The following HBP1 variants were observed in gnomAD, a reference collection of about 807,000 sequenced individuals.
HBP1 encodes HMG box-containing protein 1.
Under a neutral mutation model 62.6 loss-of-function variants are expected in HBP1, and 20 were observed. The ratio of observed to expected loss-of-function variants is 0.32; its 90% CI spans 0.22 to 0.46. HBP1 has a LOEUF of 0.46. Among genes scored for constraint, HBP1 ranks in the 20% least tolerant of loss-of-function variants. The pLI, the probability that HBP1 is intolerant of heterozygous loss-of-function variation, is 1.00. For missense variants in HBP1, 480 were observed against 611.8 expected (o/e 0.78, Z 2.27); for synonymous variants, 232 against 206.2 (o/e 1.12, Z -1.07).
intron 1 of HBP1, among the ~76,000 whole-genome samples, chr7:107,177,027 T>C (rs1009983356): frequency 2.0e-5 from 3 of 152,190 alleles, no homozygotes; most frequent in African/African-American, 7.2e-5. Flanking sequence ...AGCTATCTGG[T>C]TTCCACCTGT....
At chr7:107,186,330 A>G in intron 4 of HBP1, 31 bp from the exon 5 acceptor site, 1 of 1,299,434 alleles carries the variant, frequency 7.7e-7, no homozygotes, top group Non-Finnish European at 1.1e-6. Flanking sequence ...TTAAAAACAA[A>G]TAAAAAAGTT....
intron 9 of HBP1, among the ~76,000 whole-genome samples, chr7:107,199,043 T>C (rs1798068642): frequency 6.6e-6 from 1 of 152,246 alleles, no homozygotes; most frequent in South Asian, 2.1e-4. Flanking sequence ...TAAAAGTTTT[T>C]TTTTTAATGG....
At chr7:107,190,343 T>C (rs748663730) in intron 8 of HBP1, 26 bp downstream of exon 8, 2 of 1,541,976 alleles carry the variant, frequency 1.3e-6, no homozygotes, top group South Asian at 2.3e-5. Flanking sequence ...TTCTTTGTTT[T>C]ATTTTCCTCT....
chr7:107,176,305 T>C (rs1796849150), intron 1 of HBP1, among the ~76,000 whole-genome samples: 1 of 152,198 alleles, frequency 6.6e-6, no homozygotes, highest in Non-Finnish European at 1.5e-5. Context: ...ATTACAGGCG[T>C]GAACCACTGA....
At chr7:107,199,870 T>C (rs1189326433) in intron 9 of HBP1, among the ~76,000 whole-genome samples, 2 of 152,228 alleles carry the variant, frequency 1.3e-5, no homozygotes, top group African/African-American at 4.8e-5. Context: ...ACTTCCACTA[T>C]GATTGAATGA....
intron 3 of HBP1, among the ~76,000 whole-genome samples, chr7:107,184,212 C>G (rs1797244648): frequency 6.6e-6 from 1 of 152,160 alleles, no homozygotes; most frequent in Admixed American, 6.5e-5. Flanking sequence ...TTTGGCCATT[C>G]TCTGATACTT....
At chr7:107,198,162 T>A (rs1364273240) in intron 9 of HBP1, among the ~76,000 whole-genome samples, 1 of 152,172 alleles carries the variant, frequency 6.6e-6, no homozygotes, top group Non-Finnish European at 1.5e-5. Context: ...TGTTTTCTGA[T>A]CTTTTTATAG....
At chr7:107,176,700 ATT>A (rs10713097) in intron 1 of HBP1, among the ~76,000 whole-genome samples, 2,192 of 129,882 alleles carry the variant, frequency 0.017, 49 homozygotes, top group African/African-American at 0.057. Context: ...AATTTGCTCC[ATT>A]TTTTTTTTTT....
At chr7:107,178,241 T>A (rs952402293) in intron 1 of HBP1, among the ~76,000 whole-genome samples, 1 of 152,192 alleles carries the variant, frequency 6.6e-6, no homozygotes, top group African/African-American at 2.4e-5. Context: ...ACGCATAGGC[T>A]GAAGTTGTCG....
intron 1 of HBP1, among the ~76,000 whole-genome samples, chr7:107,173,170 G>A (rs972955687): frequency 3.3e-5 from 5 of 152,158 alleles, no homozygotes; most frequent in South Asian, 2.1e-4. Context: ...ACTTTGTTAT[G>A]GAGGCTTGTT....
chr7:107,191,210 T>C (rs1797631169), intron 8 of HBP1, among the ~76,000 whole-genome samples: 1 of 152,216 alleles, frequency 6.6e-6, no homozygotes, highest in Non-Finnish European at 1.5e-5. Flanking sequence ...AGTGAAACTA[T>C]TATTAAAAAA....
At position 107,196,063 on chromosome 7, in the gene HBP1, A is replaced by G. The variant is rs1308365240; in HGVS notation, c.1297A>G (p.Lys433Glu). The change falls in exon 9 of 11, where the codon AAG (lysine) becomes GAG (glutamate). Residue 433 changes from lysine (K) to glutamate (E), a missense_variant. Physicochemically the swap from Lys to Glu is moderately conservative, Grantham distance 56. This residue lies in a region of HBP1 where 66 missense variants were observed against 56.4 expected (regional missense o/e 1.17). Coordinates refer to ENST00000222574, the MANE Select transcript of HBP1 (RefSeq NM_012257.4). ...SGTVSATSPN[K>E]CKRPMNAFML... ...GACTGTGAGTGCCACTTCTCCTAAT[A>G]AGTGCAAAAGACCAATGAATGCCTT... The G allele has an allele frequency of 6.2e-7, 1 of 1,613,306 alleles. No individual in the cohort carries two copies. Among genetic ancestry groups the G allele is most frequent in the Non-Finnish European group, 8.5e-7 (1 of 1,179,232 alleles).
intron 1 of HBP1, chr7:107,174,559 C>T: frequency 1.0e-6 from 1 of 985,264 alleles, no homozygotes; most frequent in Non-Finnish European, 1.2e-6. Flanking sequence ...GCAGGACCTG[C>T]TGTAGGGAAG....
intron 3 of HBP1, 128 bp downstream of exon 3, chr7:107,182,729 C>T: frequency 5.2e-6 from 3 of 574,368 alleles, no homozygotes; most frequent in Non-Finnish European, 9.2e-6. Flanking sequence ...GAATTAAGCT[C>T]CTTATCTAAT....
intron 3 of HBP1, among the ~76,000 whole-genome samples, chr7:107,184,544 T>C (rs1797261432): frequency 6.6e-6 from 1 of 152,198 alleles, no homozygotes; most frequent in Non-Finnish European, 1.5e-5. Context: ...GGAGTCTTGC[T>C]CTGTCGCCCA....
At chr7:107,201,184 G>T in intron 10 of HBP1, 1 of 383,892 alleles carries the variant, frequency 2.6e-6, no homozygotes. Flanking sequence ...TCATGTGTTC[G>T]GACTTTTCCT....
chr7:107,198,468 C>G (rs929685627), intron 9 of HBP1, among the ~76,000 whole-genome samples: 2 of 152,122 alleles, frequency 1.3e-5, no homozygotes, highest in Non-Finnish European at 2.9e-5. Flanking sequence ...CCTCTGCCTC[C>G]CAAAGTGCTG....
Position 107,195,945 on chromosome 7 carries a change from A to G in HBP1, c.1179A>G (p.Arg393=), listed in dbSNP as rs1391575272. ...CGGPGGQDFA[R]SGFSKNCGSP... ...GACCTGGTGGTCAAGACTTTGCAAG[A>G]TCTGGATTCAGTAAAAACTGTGGCT... is the stretch of plus-strand genomic sequence containing the variant. Residue 393 remains arginine (R), a synonymous_variant, in exon 9 of 11, where the codon AGA becomes AGG. Transcript: ENST00000222574. 1.9e-6 allele frequency: 3 copies of G among 1,614,074 alleles called. No individual in the cohort carries two copies. Among genetic ancestry groups the G allele is most frequent in the Non-Finnish European group, 1.7e-6 (2 of 1,179,970 alleles).
intron 1 of HBP1, among the ~76,000 whole-genome samples, chr7:107,170,314 G>T (rs1437615169): frequency 2.0e-5 from 3 of 152,028 alleles, no homozygotes; most frequent in Non-Finnish European, 4.4e-5. Flanking sequence ...TCCTAATAGT[G>T]GTTTTGAAAT....
Sources: gnomAD v4.1 joint callset for allele counts (sites outside exome capture counted in the v4.1 genomes callset) on GRCh38, gnomAD v4.1.1 for gene constraint, gnomAD v4.1.1 regional missense constraint, MANE v1.5 for transcripts, NCBI Gene and HGNC (gene_info 2026-07-23, HGNC 2026-07-21) for gene names.